CCDC144A: variants seen among roughly 807,000 people sequenced by gnomAD.
CCDC144A encodes the protein coiled-coil domain containing 144A.
In CCDC144A, 41 loss-of-function variants were observed where a neutral mutation model predicts 143.8. The observed-to-expected ratio is 0.29, with a 90% CI of 0.22 to 0.37. CCDC144A has a LOEUF of 0.37. Among genes scored for constraint, CCDC144A ranks in the 10% least tolerant of loss-of-function variants. The pLI, the probability that CCDC144A is intolerant of heterozygous loss-of-function variation, is 1.00. For missense variants in CCDC144A, 637 were observed against 1,488.8 expected (o/e 0.43, Z 9.41); for synonymous variants, 242 against 517.9 (o/e 0.47, Z 7.23).
chr17:16,720,366 A>G (rs963232715), intron 7 of CCDC144A, 135 bp downstream of exon 7: 97 of 1,001,144 alleles, frequency 9.7e-5, no homozygotes, highest in Non-Finnish European at 1.4e-4. Flanking sequence ...GTAACCGTTG[A>G]TAATGGTACC....
chr17:16,672,005 C>T, the CCDC144A span, among the ~76,000 whole-genome samples: 1 of 152,048 alleles, frequency 6.6e-6, no homozygotes, highest in Non-Finnish European at 1.5e-5. Context: ...CTTGCTGCTC[C>T]TGTCATAGCC....
the CCDC144A span, among the ~76,000 whole-genome samples, chr17:16,676,239 C>T: frequency 6.6e-6 from 1 of 151,920 alleles, no homozygotes; most frequent in African/African-American, 2.4e-5. Flanking sequence ...AGGCTGGGTG[C>T]GGTGGCTCAT....
At chr17:16,711,163 A>AAAAAAAAAAAAAAAAAATTT (rs1912418050) in intron 5 of CCDC144A, among the ~76,000 whole-genome samples, 1 of 142,192 alleles carries the variant, frequency 7.0e-6, no homozygotes. Context: ...AAAAAACAAA[A>AAAAAAAAAAAAAAAAAATTT]GTTAGTGGGG....
At chr17:16,700,285 T>A (rs1567584686) in intron 2 of CCDC144A, among the ~76,000 whole-genome samples, 1 of 152,186 alleles carries the variant, frequency 6.6e-6, no homozygotes, top group South Asian at 2.1e-4. Context: ...TGATGACACA[T>A]GTGCAATGTT....
At chr17:16,696,219 T>A (rs1441594294) in intron 2 of CCDC144A, among the ~76,000 whole-genome samples, 4 of 151,964 alleles carry the variant, frequency 2.6e-5, no homozygotes. Context: ...TTCGGCATGT[T>A]TGACAGGCTG....
intron 12 of CCDC144A, among the ~76,000 whole-genome samples, chr17:16,757,744 G>A (rs1677670106): frequency 6.6e-6 from 1 of 152,242 alleles, no homozygotes; most frequent in Non-Finnish European, 1.5e-5. Context: ...AGGGCTGCTG[G>A]TGGTGGCAGT....
chr17:16,719,893 G>A (rs983374793), intron 6 of CCDC144A, among the ~76,000 whole-genome samples: 1 of 152,154 alleles, frequency 6.6e-6, no homozygotes, highest in African/African-American at 2.4e-5. Context: ...ATCACGTAAT[G>A]CAGGTAACAT....
At chr17:16,752,176 C>G (rs1914825119) in intron 12 of CCDC144A, among the ~76,000 whole-genome samples, 1 of 152,132 alleles carries the variant, frequency 6.6e-6, no homozygotes. Flanking sequence ...CGCCTCTTGT[C>G]ACATCAGTAG....
At chr17:16,670,291 CTTT>C in the CCDC144A span, among the ~76,000 whole-genome samples, 9 of 127,830 alleles carry the variant, frequency 7.0e-5, no homozygotes, top group African/African-American at 8.9e-5. Flanking sequence ...TTTCTTTTTT[CTTT>C]TTTTTTTTTT....
chr17:16,770,403 C>T (rs969725258), intron 15 of CCDC144A, among the ~76,000 whole-genome samples: 2 of 152,238 alleles, frequency 1.3e-5, no homozygotes, highest in African/African-American at 4.8e-5. Flanking sequence ...CCCGCCTCGG[C>T]CTCCCAAAGT....
At chr17:16,759,147 A>C (rs1915239112) in intron 12 of CCDC144A, among the ~76,000 whole-genome samples, 1 of 152,174 alleles carries the variant, frequency 6.6e-6, no homozygotes, top group Non-Finnish European at 1.5e-5. Flanking sequence ...AGCAATACAG[A>C]TGCTCCTCAG....
chr17:16,722,461 T>C (rs943777548), intron 8 of CCDC144A, among the ~76,000 whole-genome samples: 5 of 152,030 alleles, frequency 3.3e-5, no homozygotes, highest in African/African-American at 1.2e-4. Flanking sequence ...TCCACAATTA[T>C]CAATATCCTC....
chr17:16,768,160 T>G (rs1915685962), intron 15 of CCDC144A, among the ~76,000 whole-genome samples: 1 of 152,286 alleles, frequency 6.6e-6, no homozygotes, highest in Admixed American at 6.5e-5. Context: ...TCAGTAAATT[T>G]ATTTAATCTA....
chr17:16,690,164 A>G (rs1910956945), upstream of CCDC144A: 5 of 367,508 alleles, frequency 1.4e-5, no homozygotes, highest in Admixed American at 1.4e-4. Flanking sequence ...CTGCAGATGC[A>G]GTGAAGTCAC....
Position 16,720,498 on chromosome 17 carries a change from A to G in CCDC144A, c.1750-19A>G, listed in dbSNP as rs201627007. 1,544 of 1,596,978 alleles carry G rather than the reference A, an allele frequency of 9.7e-4. No homozygotes were observed. The highest frequency in any genetic ancestry group is 1.3e-3 in the Middle Eastern group (8 of 5,930). On this transcript the variant is annotated intron_variant, in intron 7 of 16. Transcript: ENST00000399273. ...AAATCTTTCGAGGACATTTTGAAAC[A>G]GTATTATTTATCTTATAGGTCAAAA... is the stretch of plus-strand genomic sequence containing the variant.
intron 12 of CCDC144A, among the ~76,000 whole-genome samples, chr17:16,737,852 G>A (rs1659196881): frequency 3.3e-5 from 5 of 151,858 alleles, no homozygotes; most frequent in Admixed American, 1.3e-4. Context: ...CTTTCATTCT[G>A]TCTTTTTCTC....
chr17:16,751,428 C>T (rs1028841748), intron 12 of CCDC144A, among the ~76,000 whole-genome samples: 12 of 152,204 alleles, frequency 7.9e-5, no homozygotes, highest in African/African-American at 2.6e-4. Flanking sequence ...CTCTAGAGTA[C>T]GGGCTGGCAT....
chr17:16,739,379 T>C (rs1051018907), intron 12 of CCDC144A, among the ~76,000 whole-genome samples: 2 of 143,166 alleles, frequency 1.4e-5, no homozygotes, highest in Admixed American at 1.4e-4. Flanking sequence ...GTGTTGGGAT[T>C]ATAGGTGTAA....
upstream of CCDC144A, among the ~76,000 whole-genome samples, chr17:16,688,713 C>T (rs1910880605): frequency 6.6e-6 from 1 of 152,004 alleles, no homozygotes; most frequent in African/African-American, 2.4e-5. Flanking sequence ...TGGTCTTGAT[C>T]TCTTGACCTC....
Sources: gnomAD v4.1 joint callset for allele counts (sites outside exome capture counted in the v4.1 genomes callset) on GRCh38, gnomAD v4.1.1 for gene constraint, MANE v1.5 for transcripts, NCBI Gene and HGNC (gene_info 2026-07-23, HGNC 2026-07-21) for gene names.